The following ARID1B variants were observed in gnomAD, a reference collection of about 807,000 sequenced individuals.
The protein encoded by ARID1B is AT-rich interactive domain-containing protein 1B.
Under a neutral mutation model 212.3 loss-of-function variants are expected in ARID1B, and 30 were observed. The observed-to-expected ratio is 0.14, with a 90% CI of 0.11 to 0.19. ARID1B has a LOEUF of 0.19. Ranked by LOEUF, ARID1B falls within the 10% of genes least tolerant of loss-of-function variation. The pLI, the probability that ARID1B is intolerant of heterozygous loss-of-function variation, is 1.00. For missense variants in ARID1B, 2,891 were observed against 3,204.0 expected, an observed-to-expected ratio of 0.90 and a Z score of 2.36; for synonymous variants, 1,402 against 1,301.7, an observed-to-expected ratio of 1.08 and a Z score of -1.66.
chr6:157,028,764 G>C (rs1780827533), intron 4 of ARID1B, among the ~76,000 whole-genome samples: 1 of 152,124 alleles, frequency 6.6e-6, no homozygotes. Flanking sequence ...ATGGTACTGT[G>C]ACCACATAAG....
At chr6:156,905,919 GAC>G (rs971774730) in intron 3 of ARID1B, among the ~76,000 whole-genome samples, 1 of 152,180 alleles carries the variant, frequency 6.6e-6, no homozygotes, top group Non-Finnish European at 1.5e-5. Context: ...ATAAAGATAA[GAC>G]ACACAGAAGC....
At chr6:156,969,354 G>A (rs1231262557) in intron 4 of ARID1B, among the ~76,000 whole-genome samples, 3 of 152,238 alleles carry the variant, frequency 2.0e-5, no homozygotes, top group Admixed American at 2.0e-4. Context: ...CCCCAGGATC[G>A]GTGGTGGTGG....
At chr6:157,097,418 T>A (rs1360801203) in intron 5 of ARID1B, among the ~76,000 whole-genome samples, 2 of 152,206 alleles carry the variant, frequency 1.3e-5, no homozygotes, top group African/African-American at 4.8e-5. Context: ...GCCCATTGAT[T>A]GACCACGTGT....
chr6:157,030,034 A>G (rs903239886), intron 4 of ARID1B, among the ~76,000 whole-genome samples: 6 of 152,204 alleles, frequency 3.9e-5, no homozygotes, highest in South Asian at 4.1e-4. Context: ...TAGTTTTTGC[A>G]GTAGTGCTCA....
chr6:157,006,744 G>A (rs1016504075), intron 4 of ARID1B, among the ~76,000 whole-genome samples: 1 of 152,150 alleles, frequency 6.6e-6, no homozygotes, highest in Admixed American at 6.5e-5. Context: ...CATTTTTTGT[G>A]AAGAAGCTTT....
chr6:157,156,479 T>A (rs1382288227), intron 8 of ARID1B, among the ~76,000 whole-genome samples: 1 of 152,218 alleles, frequency 6.6e-6, no homozygotes, highest in African/African-American at 2.4e-5. Flanking sequence ...ATGGAAGCCA[T>A]AAAGTGCATT....
chr6:156,825,464 G>A (rs1451756385), intron 1 of ARID1B, among the ~76,000 whole-genome samples: 1 of 152,142 alleles, frequency 6.6e-6, no homozygotes, highest in Non-Finnish European at 1.5e-5. Context: ...TTTTGACATG[G>A]TGCAAATTAA....
intron 2 of ARID1B, among the ~76,000 whole-genome samples, chr6:156,886,668 C>T (rs1787532012): frequency 6.6e-6 from 1 of 152,128 alleles, no homozygotes. Context: ...GTTTCCTAGC[C>T]CTTGACCGTA....
chr6:156,777,783 C>T lies in ARID1B; in HGVS notation c.103C>T (p.Pro35Ser), dbSNP rs1390802540. ...RRAPPGPRPA[P>S]GARDLEAGAR... ...GGCGCCCCCCGGGCCGCGGCCGGCGCCCGGAGCCCGGGACCTGGAGGCGGG... is the reference window on the plus strand; with the variant it reads ...GGCGCCCCCCGGGCCGCGGCCGGCGTCCGGAGCCCGGGACCTGGAGGCGGG... The change falls in exon 1 of 20, where the codon CCC becomes TCC. Residue 35 changes from proline (P) to serine (S), a missense_variant. Pro to Ser is a moderately conservative substitution (Grantham distance 74). Around this residue, in one of 7 missense-constraint regions of ARID1B, gnomAD observed 1,643 missense variants for 1,544.0 expected, o/e 1.06. Coordinates refer to ENST00000636930, the MANE Select transcript of ARID1B (RefSeq NM_001374828.1). 2 of 908,956 alleles carry T rather than the reference C, an allele frequency of 2.2e-6. No homozygotes were observed. The highest frequency in any genetic ancestry group is 2.4e-4 in the East Asian group (2 of 8,180). The allele number at this position is 908,956 out of a possible 1,614,324, so 56.3% of individuals were successfully genotyped here.
Position 156,778,588 on chromosome 6 carries a change from G to A in ARID1B, c.908G>A (p.Gly303Asp), listed in dbSNP as rs1306754809. Reference protein sequence around the residue: ...TQQPPVAVPGGGGGPAAVPEF... With the variant: ...TQQPPVAVPGDGGGPAAVPEF... ...CAGCCGCCGGTCGCCGTGCCCGGGG[G>A]CGGCGGCGGCCCGGCGGCCGTCCCG... The change falls in exon 1 of 20, where the codon GGC (glycine) becomes GAC (aspartate). Residue 303 changes from glycine to aspartate, a missense_variant. This residue lies in a region of ARID1B where 1,643 missense variants were observed against 1,544.0 expected (regional missense o/e 1.06). Transcript: ENST00000636930. The A allele has an allele frequency of 3.1e-6, 4 of 1,274,680 alleles. No individual in the cohort carries two copies. Among genetic ancestry groups the A allele is most frequent in the Non-Finnish European group, 3.9e-6 (4 of 1,012,906 alleles). The allele number at this position is 1,274,680 out of a possible 1,614,324, so 79.0% of individuals were successfully genotyped here. A position where few individuals can be genotyped will look rare whatever the true frequency, so the allele number is the denominator to read the frequency against.
chr6:156,923,068 T>C (rs1790938777), intron 3 of ARID1B, among the ~76,000 whole-genome samples: 1 of 152,212 alleles, frequency 6.6e-6, no homozygotes, highest in Non-Finnish European at 1.5e-5. Context: ...GATGATCTTC[T>C]CAAGTTGTTG....
rs546478858 is a variant in ARID1B at position 156,961,482 on chromosome 6, C to T, written c.2247+25906C>T. Among the ~76,000 whole-genome samples the T allele has an allele frequency of 2.0e-5, 3 of 152,270 alleles. No individual in the cohort carries two copies. The South Asian group carries it at 6.2e-4, about 32-fold the overall frequency. Reference sequence around the variant, plus strand: ...CCGCCAGCAGCGGCTTGCTGGCTGGCGCGGGGTCCTCTCCCGGGTCCGCTG... The same window carrying T: ...CCGCCAGCAGCGGCTTGCTGGCTGGTGCGGGGTCCTCTCCCGGGTCCGCTG... On this transcript the variant is annotated intron_variant, in intron 4 of 19. Transcript: ENST00000636930.
At chr6:157,027,449 T>C (rs909612198) in intron 4 of ARID1B, among the ~76,000 whole-genome samples, 1 of 152,196 alleles carries the variant, frequency 6.6e-6, no homozygotes, top group Non-Finnish European at 1.5e-5. Flanking sequence ...TCTGTTTTGG[T>C]AGAAGTATTT....
intron 7 of ARID1B, among the ~76,000 whole-genome samples, chr6:157,147,458 G>A (rs1370899364): frequency 5.3e-4 from 8 of 15,000 alleles, no homozygotes; most frequent in Non-Finnish European, 4.1e-4. Flanking sequence ...CCCGCCTCCG[G>A]CCCTGACCTC....
chr6:156,897,209 GCTGCTGCTGCTTCTTCTT>G (rs1466834354), intron 2 of ARID1B, among the ~76,000 whole-genome samples: 13 of 73,046 alleles, frequency 1.8e-4, no homozygotes, highest in Admixed American at 8.9e-4. Flanking sequence ...TGCTGCTGCT[GCTGCTGCTGCTTCTTCTT>G]CTTCTTCTTC....
intron 2 of ARID1B, among the ~76,000 whole-genome samples, chr6:156,892,541 T>C (rs1296121412): frequency 6.6e-6 from 1 of 152,238 alleles, no homozygotes; most frequent in African/African-American, 2.4e-5. Context: ...ACCAATATTT[T>C]AAAGCTATTA....
At chr6:157,076,849 C>A (rs1258430756) in intron 4 of ARID1B, among the ~76,000 whole-genome samples, 1 of 152,216 alleles carries the variant, frequency 6.6e-6, no homozygotes, top group East Asian at 1.9e-4. Flanking sequence ...AACCCATAAA[C>A]CCATCTCTCT....
chr6:156,926,607 C>T (rs1791236012), intron 3 of ARID1B, among the ~76,000 whole-genome samples: 1 of 152,186 alleles, frequency 6.6e-6, no homozygotes. Context: ...CGTCACTCCA[C>T]CTTCATCTTG....
Position 156,928,810 on chromosome 6 carries a change from C to T in ARID1B, c.2137-6656C>T, listed in dbSNP as rs572070411. On this transcript the variant is annotated intron_variant, in intron 3 of 19. Transcript: ENST00000636930. ...CCTGTGGAAGAGAATTTTTCATTTTCGCATTTCTTACTTATTCATGTTACT... is the reference window on the plus strand; with the variant it reads ...CCTGTGGAAGAGAATTTTTCATTTTTGCATTTCTTACTTATTCATGTTACT... Among the ~76,000 whole-genome samples, 40 of 152,280 alleles carry T rather than the reference C, an allele frequency of 2.6e-4. No homozygotes were observed. In the South Asian group the frequency reaches 4.1e-3, roughly 16 times the overall value.
Sources: allele counts gnomAD v4.1 joint callset (sites outside exome capture counted in the v4.1 genomes callset), GRCh38; gene constraint gnomAD v4.1.1; regional missense constraint gnomAD v4.1.1; transcripts MANE v1.5; gene names NCBI Gene and HGNC (gene_info 2026-07-23, HGNC 2026-07-21).